FMO4: variants seen among roughly 807,000 people sequenced by gnomAD.
FMO4 encodes the protein dimethylaniline monooxygenase [N-oxide-forming] 4.
FMO4 carries 38 observed loss-of-function variants against 43.3 expected under a neutral mutation model. That is an observed-to-expected ratio of 0.88 (90% confidence interval 0.68 to 1.15). The LOEUF is 1.15. Ranked by LOEUF, FMO4 falls within the 50% of genes most tolerant of loss-of-function variation. The probability of loss-of-function intolerance (pLI) is 0.00; values close to 1 mark genes in which losing one functional copy is unlikely to be tolerated. For synonymous variants in FMO4, 224 were observed against 232.2 expected (o/e 0.96, Z 0.32); for missense variants, 631 against 663.3 (o/e 0.95, Z 0.54).
chr1:171,326,022 AT>A (rs570013746), intron 5 of FMO4, among the ~76,000 whole-genome samples: 190 of 149,458 alleles, frequency 1.3e-3, no homozygotes, highest in African/African-American at 4.5e-3. Flanking sequence ...TCATTTTTGT[AT>A]TTTTTGCAGA....
intron 1 of FMO4, 99 bp downstream of exon 1, chr1:171,314,512 T>C (rs1200958345): frequency 6.6e-6 from 1 of 152,118 alleles, no homozygotes; most frequent in Non-Finnish European, 1.5e-5. Flanking sequence ...TAAGAATGAA[T>C]GTGATTATCT....
Position 171,332,806 on chromosome 1 carries a change from T to C in FMO4, c.725T>C (p.Phe242Ser). 6.2e-7 allele frequency: 1 copy of C among 1,613,588 alleles called. No individual in the cohort carries two copies. Among genetic ancestry groups the C allele is most frequent in the East Asian group, 2.2e-5 (1 of 44,812 alleles). ...NMMVTRRCCS[F>S]IAQVLPSRFL... ...ATGGTTACAAGAAGATGCTGTAGTT[T>C]TATTGCACAAGTTCTGCCTTCACGT... The change falls in exon 7 of 10, where the codon TTT becomes TCT. Residue 242 changes from phenylalanine to serine, a missense_variant. By Grantham distance (155) the Phe-to-Ser change is radical. Coordinates refer to ENST00000367749, the MANE Select transcript of FMO4 (RefSeq NM_002022.3).
intron 5 of FMO4, among the ~76,000 whole-genome samples, chr1:171,327,280 G>T (rs892100700): frequency 1.3e-5 from 2 of 152,200 alleles, no homozygotes; most frequent in African/African-American, 2.4e-5. Flanking sequence ...CACTGGCTCA[G>T]TCCAGGCTGG....
chr1:171,326,667 T>C (rs1275604103), intron 5 of FMO4, among the ~76,000 whole-genome samples: 2 of 152,250 alleles, frequency 1.3e-5, no homozygotes, highest in Non-Finnish European at 2.9e-5. Flanking sequence ...CTATGAGTTA[T>C]GACATCCAGC....
At position 171,324,260 on chromosome 1, in the gene FMO4, A is replaced by G. The variant is rs749552311; in HGVS notation, c.444A>G (p.Gly148=). The G allele has an allele frequency of 6.2e-7, 1 of 1,612,130 alleles. No homozygotes were observed. Among genetic ancestry groups the G allele is most frequent in the South Asian group, 1.1e-5 (1 of 90,750 alleles). ...AVFDAVMVCT[G]HFLNPHLPLE... is the part of the protein sequence containing the mutation. ...TTGATGCTGTTATGGTTTGCACTGG[A>G]CATTTCCTGAATCCCCATTTACCTT... is the stretch of plus-strand genomic sequence containing the variant. The change falls in exon 5 of 10, where the codon GGA becomes GGG. Residue 148 remains glycine, a synonymous_variant. Transcript: ENST00000367749.
chr1:171,326,342 A>T (rs1001549024), intron 5 of FMO4, among the ~76,000 whole-genome samples: 4 of 152,230 alleles, frequency 2.6e-5, no homozygotes, highest in African/African-American at 9.6e-5. Context: ...TTGAAAGTTG[A>T]CATTGCAACA....
intron 3 of FMO4, 81 bp from the exon 4 acceptor site, chr1:171,322,923 G>A: frequency 3.0e-6 from 3 of 1,009,414 alleles, no homozygotes; most frequent in East Asian, 2.4e-5. Context: ...CCCTCAGTGA[G>A]GCTAGCATGA....
rs116264626 is a variant in FMO4, at chr1:171,321,650, C to T, written c.133-1354C>T. Among the ~76,000 whole-genome samples the T allele has an allele frequency of 7.8e-3, 1,179 of 151,626 alleles. 17 individuals carry two copies. Among genetic ancestry groups the T allele is most frequent in the African/African-American group, 0.027 (1,113 of 41,180 alleles). On this transcript the variant is annotated intron_variant, in intron 3 of 9. Coordinates refer to ENST00000367749, the MANE Select transcript of FMO4 (RefSeq NM_002022.3). ...TTGATTGAATCCATGGATCTAGAAC[C>T]TACAGATACAGAGGGCCAGCTGTAC...
At chr1:171,333,328 A>G (rs907893493) in intron 7 of FMO4, among the ~76,000 whole-genome samples, 1 of 152,052 alleles carries the variant, frequency 6.6e-6, no homozygotes, top group African/African-American at 2.4e-5. Flanking sequence ...GGCTCAAGCT[A>G]TTCTTCTGCC....
Position 171,332,758 on chromosome 1 carries a change from A to T in FMO4, c.677A>T (p.Asp226Val). 1 of 1,611,932 alleles carries T rather than the reference A, an allele frequency of 6.2e-7. No homozygotes were observed. The highest frequency in any genetic ancestry group is 2.2e-5 in the East Asian group (1 of 44,802). The change falls in exon 7 of 10, where the codon GAT becomes GTT. Residue 226 changes from aspartate (D) to valine (V), a missense_variant. Physicochemically the swap from Asp to Val is radical, Grantham distance 152 (BLOSUM62 -3). Coordinates refer to ENST00000367749, the MANE Select transcript of FMO4 (RefSeq NM_002022.3). ...TGTWVLGRSS[D>V]WGYPYNMMVT... Reference sequence around the variant, plus strand: ...ACCTGGGTTCTTGGGCGCTCTTCAGATTGGGGCTATCCTTATAATATGATG... The same window carrying T: ...ACCTGGGTTCTTGGGCGCTCTTCAGTTTGGGGCTATCCTTATAATATGATG...
intron 4 of FMO4, 73 bp downstream of exon 4, chr1:171,323,265 G>A (rs1662516790): frequency 1.0e-6 from 1 of 990,522 alleles, no homozygotes; most frequent in Non-Finnish European, 1.5e-6. Context: ...AAAATTGGAT[G>A]TTTAAAGTAA....
intron 5 of FMO4, among the ~76,000 whole-genome samples, chr1:171,326,738 G>C (rs1662683924): frequency 6.6e-6 from 1 of 152,164 alleles, no homozygotes; most frequent in Admixed American, 6.5e-5. Flanking sequence ...AGCCCAAATA[G>C]CAAGTGTCTT....
chr1:171,319,702 C>A, intron 2 of FMO4, 116 bp from the exon 3 acceptor site: 1 of 781,700 alleles, frequency 1.3e-6, no homozygotes, highest in Non-Finnish European at 2.0e-6. Flanking sequence ...GTGATTCTGC[C>A]CCCACTCAAA....
rs368598997 is a variant in FMO4, at chr1:171,331,646, A to G, written c.491A>G (p.His164Arg). The G allele has an allele frequency of 2.0e-5, 33 of 1,613,748 alleles. No individual in the cohort carries two copies. The highest frequency in any genetic ancestry group is 4.5e-5 in the East Asian group (2 of 44,888). ...HLPLEAFPGI[H>R]KFKGQILHSQ... Reference sequence around the variant, plus strand: ...GATCCTTCACTCCTCTCAGGAATTCATAAGTTTAAAGGTCAGATCCTGCAT... The same window carrying G: ...GATCCTTCACTCCTCTCAGGAATTCGTAAGTTTAAAGGTCAGATCCTGCAT... The change falls in exon 6 of 10, where the codon CAT becomes CGT. Residue 164 changes from histidine to arginine, a missense_variant. Physicochemically the swap from His to Arg is conservative, Grantham distance 29. Transcript: ENST00000367749.
chr1:171,316,568 C>T (rs1662210470), intron 2 of FMO4, among the ~76,000 whole-genome samples: 1 of 152,190 alleles, frequency 6.6e-6, no homozygotes, highest in Non-Finnish European at 1.5e-5. Context: ...TTGCTTCAGT[C>T]GGTTGCTCAG....
chr1:171,326,777 A>G (rs45508097), intron 5 of FMO4, among the ~76,000 whole-genome samples: 6,684 of 152,282 alleles, frequency 0.044, 467 homozygotes, highest in African/African-American at 0.15. Flanking sequence ...CTTATCATGG[A>G]GAGTGACATG....
intron 6 of FMO4, among the ~76,000 whole-genome samples, chr1:171,332,066 CAA>C (rs527761580): frequency 1.3e-5 from 2 of 152,136 alleles, no homozygotes; most frequent in Non-Finnish European, 2.9e-5. Flanking sequence ...CCTTCAGAAA[CAA>C]GACCATATAG....
At chr1:171,337,286 A>T in intron 8 of FMO4, 70 bp from the exon 9 acceptor site, 1 of 1,000,940 alleles carries the variant, frequency 1.0e-6, no homozygotes, top group South Asian at 1.3e-5. Context: ...GCTAGAAATG[A>T]GTGGGTGGAG....
chr1:171,326,596 T>G (rs1662678382), intron 5 of FMO4, among the ~76,000 whole-genome samples: 1 of 152,248 alleles, frequency 6.6e-6, no homozygotes, highest in Non-Finnish European at 1.5e-5. Flanking sequence ...TGACAGGAAC[T>G]CTCATTAATT....
Sources: gnomAD v4.1 joint callset for allele counts (sites outside exome capture counted in the v4.1 genomes callset) on GRCh38, gnomAD v4.1.1 for gene constraint, MANE v1.5 for transcripts, NCBI Gene and HGNC (gene_info 2026-07-23, HGNC 2026-07-21) for gene names.